The following SYT5 variants were observed in gnomAD, a reference collection of about 807,000 sequenced individuals.
SYT5 encodes the protein synaptotagmin 5.
In SYT5, 29 loss-of-function variants were observed where a neutral mutation model predicts 36.0. The ratio of observed to expected loss-of-function variants is 0.81; its 90% CI spans 0.60 to 1.10. The LOEUF (loss-of-function observed/expected upper bound fraction) is 1.10, where lower values mean the gene tolerates loss of function less well. SYT5 is among the 50% of genes least tolerant of loss of function. The pLI is 0.00. For synonymous variants in SYT5, 231 were observed against 227.6 expected, an observed-to-expected ratio of 1.02 and a Z score of -0.14; for missense variants, 512 against 516.0, an observed-to-expected ratio of 0.99 and a Z score of 0.08.
Position 55,175,558 on chromosome 19 carries a change from G to T in SYT5, c.540+151C>A. On this transcript the variant is annotated intron_variant, in intron 5 of 8. Transcript: ENST00000354308. The surrounding 1 kb of genome is among the most constrained non-coding windows in gnomAD (Gnocchi z 4.5). Reference sequence around the variant, plus strand: ...GGACCAGGCTACAGCCCAGGAGTCAGTAGTGCCCAGGGTCCAGTGGAATAG... The same window carrying T: ...GGACCAGGCTACAGCCCAGGAGTCATTAGTGCCCAGGGTCCAGTGGAATAG... The T allele has an allele frequency of 8.5e-7, 1 of 1,171,790 alleles. No homozygotes were observed. The highest frequency in any genetic ancestry group is 1.2e-6 in the Non-Finnish European group (1 of 831,120). 72.6% of individuals were successfully genotyped at this position (1,171,790 alleles called of 1,614,324 possible).
chr19:55,179,065 T>C lies in SYT5; in HGVS notation c.-24A>G. ...ATGGTGGCGGGGTCCTGGAGTCTTTTCTGCAGAGACACTCAAGCACCCTAG... is the reference window on the plus strand; with the variant it reads ...ATGGTGGCGGGGTCCTGGAGTCTTTCCTGCAGAGACACTCAAGCACCCTAG... On this transcript the variant is annotated 5_prime_UTR_variant, in exon 2 of 9. Coordinates refer to ENST00000354308, the MANE Select transcript of SYT5 (RefSeq NM_003180.3). This position sits in a 1 kb window ranked among gnomAD's most constrained non-coding sequence, Gnocchi z 4.5. The C allele has an allele frequency of 6.3e-7, 1 of 1,596,898 alleles. No individual in the cohort carries two copies. Among genetic ancestry groups the C allele is most frequent in the South Asian group, 1.1e-5 (1 of 87,950 alleles).
Position 55,173,356 on chromosome 19 carries a change from G to T in SYT5, c.*128C>A. ...AGACAGGAATGGTTCAGATGGTTGGGGTGGAAGGTGGGGGGAGGGTAACCG... is the reference window on the plus strand; with the variant it reads ...AGACAGGAATGGTTCAGATGGTTGGTGTGGAAGGTGGGGGGAGGGTAACCG... On this transcript the variant is annotated 3_prime_UTR_variant, in exon 9 of 9. Coordinates refer to ENST00000354308, the MANE Select transcript of SYT5 (RefSeq NM_003180.3). The surrounding 1 kb of genome is among the most constrained non-coding windows in gnomAD (Gnocchi z 5.4). 2.9e-6 allele frequency: 2 copies of T among 689,030 alleles called. No homozygotes were observed. Among genetic ancestry groups the T allele is most frequent in the East Asian group, 3.4e-5 (1 of 29,162 alleles). 42.7% of individuals were successfully genotyped at this position (689,030 alleles called of 1,614,324 possible). A position where few individuals can be genotyped will look rare whatever the true frequency, so the allele number is the denominator to read the frequency against.
Position 55,175,440 on chromosome 19 carries a change from G to T in SYT5, c.541-101C>A. ...GGCATGGAGTGAGGCAGCGAGGGTCGAAGCGAACAGTTGGGGGAACTCAAA... is the reference window on the plus strand; with the variant it reads ...GGCATGGAGTGAGGCAGCGAGGGTCTAAGCGAACAGTTGGGGGAACTCAAA... On this transcript the variant is annotated intron_variant, in intron 5 of 8. Coordinates refer to ENST00000354308, the MANE Select transcript of SYT5 (RefSeq NM_003180.3). The surrounding 1 kb of genome is among the most constrained non-coding windows in gnomAD (Gnocchi z 4.5). 1 of 1,306,068 alleles carries T rather than the reference G, an allele frequency of 7.7e-7. No individual in the cohort carries two copies. The highest frequency in any genetic ancestry group is 1.0e-6 in the Non-Finnish European group (1 of 975,542). 80.9% of individuals were successfully genotyped at this position (1,306,068 alleles called of 1,614,324 possible). A position where few individuals can be genotyped will look rare whatever the true frequency, so the allele number is the denominator to read the frequency against.
intron 3 of SYT5, among the ~76,000 whole-genome samples, chr19:55,177,951 G>C (rs1452378692): frequency 6.6e-6 from 1 of 152,216 alleles, no homozygotes; most frequent in South Asian, 2.1e-4. Flanking sequence ...ATATTACCCT[G>C]TGTGGTGAGT....
rs1375189347 is a variant in SYT5, at chr19:55,179,297, C to T, written c.-45-211G>A. 23 of 1,338,720 alleles carry T rather than the reference C, an allele frequency of 1.7e-5. No homozygotes were observed. Among genetic ancestry groups the T allele is most frequent in the Non-Finnish European group, 1.8e-5 (19 of 1,037,104 alleles). 82.9% of individuals were successfully genotyped at this position (1,338,720 alleles called of 1,614,324 possible). On this transcript the variant is annotated intron_variant, in intron 1 of 8. Coordinates refer to ENST00000354308, the MANE Select transcript of SYT5 (RefSeq NM_003180.3). The surrounding 1 kb of genome is among the most constrained non-coding windows in gnomAD (Gnocchi z 4.5). ...AAGGGATACCCTCTTCCTCCACGGC[C>T]CCACAGGCATCCCGCTGACTTCTGC...
Position 55,175,065 on chromosome 19 carries a change from C to A in SYT5, c.709-66G>T. The A allele has an allele frequency of 6.3e-7, 1 of 1,599,280 alleles. No homozygotes were observed. Among genetic ancestry groups the A allele is most frequent in the Non-Finnish European group, 8.5e-7 (1 of 1,174,574 alleles). Reference sequence around the variant, plus strand: ...ATCCATGCCTCCTCAGGGGTACAATCCACGCCGCCCTGAGGGTCTGGAAAG... The same window carrying A: ...ATCCATGCCTCCTCAGGGGTACAATACACGCCGCCCTGAGGGTCTGGAAAG... On this transcript the variant is annotated intron_variant, in intron 6 of 8. Coordinates refer to ENST00000354308, the MANE Select transcript of SYT5 (RefSeq NM_003180.3). This position sits in a 1 kb window ranked among gnomAD's most constrained non-coding sequence, Gnocchi z 4.5.
At position 55,173,510 on chromosome 19, in the gene SYT5, G is replaced by A. The variant is rs1422295613; in HGVS notation, c.1135C>T (p.Arg379Ter). ...AQWHSLRPPD[R>*]VRLLPAP ...CAGGGCGCAGGCAGCAGCCTCACTC[G>A]GTCCGGGGGCCGCAGCGAGTGCCAC... The change falls in exon 9 of 9, where the codon CGA (arginine) becomes TGA (stop). Residue 379 changes from arginine (R) to a stop codon, truncating the protein, a stop_gained. Coordinates refer to ENST00000354308, the MANE Select transcript of SYT5 (RefSeq NM_003180.3). LOFTEE classifies it high-confidence loss of function. The surrounding 1 kb of genome is among the most constrained non-coding windows in gnomAD (Gnocchi z 5.4). 2 of 1,382,402 alleles carry A rather than the reference G, an allele frequency of 1.4e-6. No homozygotes were observed. The highest frequency in any genetic ancestry group is 1.5e-5 in the African/African-American group (1 of 65,786). 85.6% of individuals were successfully genotyped at this position (1,382,402 alleles called of 1,614,324 possible). A position where few individuals can be genotyped will look rare whatever the true frequency, so the allele number is the denominator to read the frequency against.
chr19:55,178,753 A>ATTTTTTTTTT (rs5828614), intron 2 of SYT5, among the ~76,000 whole-genome samples: 2 of 50,472 alleles, frequency 4.0e-5, no homozygotes, highest in Non-Finnish European at 3.4e-5. Context: ...TCCGGTTTCG[A>ATTTTTTTTTT]TTTTTTTTTT....
rs1216041764 is a variant in SYT5, at chr19:55,171,977, G to A, written c.*1507C>T. On this transcript the variant is annotated 3_prime_UTR_variant, in exon 9 of 9. Transcript: ENST00000354308. ...CCTGTCAAAAAAAGAAGAAAGAAGA[G>A]GCTGAGGCAGAAGAATCGCTTGAAC... 1 of 152,066 alleles carries A rather than the reference G, an allele frequency of 6.6e-6. No individual in the cohort carries two copies. The highest frequency in any genetic ancestry group is 1.5e-5 in the Non-Finnish European group (1 of 68,144). The allele number at this position is 152,066 out of a possible 1,614,324, so 9.4% of individuals were successfully genotyped here. A position where few individuals can be genotyped will look rare whatever the true frequency, so the allele number is the denominator to read the frequency against.
In SYT5 at chr19:55,173,514, C is replaced by CG. The variant is rs1183929789; in HGVS notation, c.1130dup (p.Asp378GlyfsTer25). The CG allele has an allele frequency of 1.4e-6, 2 of 1,390,702 alleles. No individual in the cohort carries two copies. The highest frequency in any genetic ancestry group is 3.6e-5 in the Admixed American group (1 of 28,068). 86.1% of individuals were successfully genotyped at this position (1,390,702 alleles called of 1,614,324 possible). Reference sequence around the variant, plus strand: ...GCGCAGGCAGCAGCCTCACTCGGTCCGGGGGCCGCAGCGAGTGCCACTGGG... The same window carrying CG: ...GCGCAGGCAGCAGCCTCACTCGGTCCGGGGGGCCGCAGCGAGTGCCACTGGG... On this transcript the variant is annotated frameshift_variant, in exon 9 of 9. Coordinates refer to ENST00000354308, the MANE Select transcript of SYT5 (RefSeq NM_003180.3). LOFTEE classifies it high-confidence loss of function. The surrounding 1 kb of genome is among the most constrained non-coding windows in gnomAD (Gnocchi z 5.4).
Position 55,178,381 on chromosome 19 carries a change from G to T in SYT5, c.80-13C>A. 1.9e-6 allele frequency: 3 copies of T among 1,606,872 alleles called. No homozygotes were observed. Among genetic ancestry groups the T allele is most frequent in the Non-Finnish European group, 2.5e-6 (3 of 1,177,558 alleles). On this transcript the variant is annotated splice_polypyrimidine_tract_variant and intron_variant, in intron 2 of 8. Transcript: ENST00000354308. ...GCCCAGGGGGGCACTGCAGAGGGGT[G>T]GAGACAACACACATTGAGGCCTGGG...
At position 55,178,360 on chromosome 19, in the gene SYT5, AG is replaced by A. The variant is rs757111736; in HGVS notation, c.87del (p.Trp30GlyfsTer45). Reference sequence around the variant, plus strand: ...ACCAGCACGATGGTGGCCAGGGCCCAGGGGGGCACTGCAGAGGGGTGGAGAC... The same window carrying A: ...ACCAGCACGATGGTGGCCAGGGCCCAGGGGGCACTGCAGAGGGGTGGAGAC... ...SSRISHGPVPPWALATIVLVS... is the reference protein window; with the variant it reads ...SSRISHGPVPXWALATIVLVS... On this transcript the variant is annotated frameshift_variant, in exon 3 of 9. Transcript: ENST00000354308. LOFTEE classifies it high-confidence loss of function. 1.9e-6 allele frequency: 3 copies of A among 1,610,538 alleles called. No homozygotes were observed. Among genetic ancestry groups the A allele is most frequent in the African/African-American group, 2.7e-5 (2 of 75,052 alleles).
At chr19:55,176,338 G>A in intron 3 of SYT5, 2 of 615,164 alleles carry the variant, frequency 3.3e-6, no homozygotes, top group Non-Finnish European at 5.6e-6. Flanking sequence ...GATTAGTGGT[G>A]TCTGCTATGG....
chr19:55,173,352 T>G lies in SYT5; in HGVS notation c.*132A>C. 15 of 651,246 alleles carry G rather than the reference T, an allele frequency of 2.3e-5. No individual in the cohort carries two copies. Among genetic ancestry groups the G allele is most frequent in the Non-Finnish European group, 2.9e-5 (13 of 444,316 alleles). 40.3% of individuals were successfully genotyped at this position (651,246 alleles called of 1,614,324 possible). A position where few individuals can be genotyped will look rare whatever the true frequency, so the allele number is the denominator to read the frequency against. On this transcript the variant is annotated 3_prime_UTR_variant, in exon 9 of 9. Transcript: ENST00000354308. This position sits in a 1 kb window ranked among gnomAD's most constrained non-coding sequence, Gnocchi z 5.4. ...GAGAAGACAGGAATGGTTCAGATGG[T>G]TGGGGTGGAAGGTGGGGGGAGGGTA...
At position 55,175,822 on chromosome 19, in the gene SYT5, A is replaced by C. The variant is rs2086070423; in HGVS notation, c.427T>G (p.Ser143Ala). 1.9e-6 allele frequency: 3 copies of C among 1,614,080 alleles called. No individual in the cohort carries two copies. In the South Asian group the frequency reaches 3.3e-5, roughly 18 times the overall value. Residue 143 changes from serine to alanine, a missense_variant, in exon 5 of 9, where the codon TCC (serine) becomes GCC (alanine). Ser to Ala is a moderately conservative substitution (Grantham distance 99). Transcript: ENST00000354308. This position sits in a 1 kb window ranked among gnomAD's most constrained non-coding sequence, Gnocchi z 4.5. ...TAGACCCGCACATAGGGGTCCGAGGAGCCACCAAGATCCAAGGCTGCCAAT... is the reference window on the plus strand; with the variant it reads ...TAGACCCGCACATAGGGGTCCGAGGCGCCACCAAGATCCAAGGCTGCCAAT... ...MGLAALDLGG[S>A]SDPYVRVYLL...
chr19:55,175,954 T>C lies in SYT5; in HGVS notation c.372+51A>G. On this transcript the variant is annotated intron_variant, in intron 4 of 8. Coordinates refer to ENST00000354308, the MANE Select transcript of SYT5 (RefSeq NM_003180.3). This position sits in a 1 kb window ranked among gnomAD's most constrained non-coding sequence, Gnocchi z 4.5. ...CTTCCATGGCTCCTTTCAGAAGGGGTTGGAACCCCCGGGATCCTCCCTCCA... is the reference window on the plus strand; with the variant it reads ...CTTCCATGGCTCCTTTCAGAAGGGGCTGGAACCCCCGGGATCCTCCCTCCA... 1 of 1,613,560 alleles carries C rather than the reference T, an allele frequency of 6.2e-7. No individual in the cohort carries two copies. The highest frequency in any genetic ancestry group is 1.1e-5 in the South Asian group (1 of 91,062).
rs944586554 is a variant in SYT5 at position 55,173,772 on chromosome 19, A to T, written c.961-88T>A. 2 of 1,259,718 alleles carry T rather than the reference A, an allele frequency of 1.6e-6. No homozygotes were observed. Among genetic ancestry groups the T allele is most frequent in the African/African-American group, 1.6e-5 (1 of 63,742 alleles). The allele number at this position is 1,259,718 out of a possible 1,614,324, so 78.0% of individuals were successfully genotyped here. A position where few individuals can be genotyped will look rare whatever the true frequency, so the allele number is the denominator to read the frequency against. ...GGTGTCCGTTTTCACGGCTGAGGGT[A>T]CCTCTCGCTGCCACCCGAGGGCTCG... On this transcript the variant is annotated intron_variant, in intron 8 of 8. Coordinates refer to ENST00000354308, the MANE Select transcript of SYT5 (RefSeq NM_003180.3). The surrounding 1 kb of genome is among the most constrained non-coding windows in gnomAD (Gnocchi z 5.4).
rs2086100998 is a variant in SYT5 at position 55,178,327 on chromosome 19, G to T, written c.121C>A (p.Leu41Ile). Residue 41 changes from leucine to isoleucine, a missense_variant, in exon 3 of 9, where the codon CTC becomes ATC. Coordinates refer to ENST00000354308, the MANE Select transcript of SYT5 (RefSeq NM_003180.3). ...ALATIVLVSG[L>I]LIFSCCFCLY... is the part of the protein sequence containing the mutation. ...CAGAAACAGCAGCTGAAGATGAGGAGGCCTGAGACCAGCACGATGGTGGCC... is the reference window on the plus strand; with the variant it reads ...CAGAAACAGCAGCTGAAGATGAGGATGCCTGAGACCAGCACGATGGTGGCC... 9.3e-6 allele frequency: 15 copies of T among 1,612,194 alleles called. No individual in the cohort carries two copies. Among genetic ancestry groups the T allele is most frequent in the Non-Finnish European group, 1.3e-5 (15 of 1,179,478 alleles).
chr19:55,175,298 C>T lies in SYT5; in HGVS notation c.582G>A (p.Ala194=), dbSNP rs765589097. The change falls in exon 6 of 9, where the codon GCG becomes GCA. Residue 194 remains alanine, a synonymous_variant. Transcript: ENST00000354308. This position sits in a 1 kb window ranked among gnomAD's most constrained non-coding sequence, Gnocchi z 4.5. ...GAGAGAAGCGGTCGAAGTCGTACAC[C>T]GCCATGACCAGCACCCTGCCCCCCA... is the stretch of plus-strand genomic sequence containing the variant. ...VELGGRVLVM[A]VYDFDRFSRN... 1 of 1,577,828 alleles carries T rather than the reference C, an allele frequency of 6.3e-7. No individual in the cohort carries two copies. The highest frequency in any genetic ancestry group is 8.6e-7 in the Non-Finnish European group (1 of 1,163,210).
Sources: allele counts gnomAD v4.1 joint callset (sites outside exome capture counted in the v4.1 genomes callset), GRCh38; gene constraint gnomAD v4.1.1; non-coding constraint Gnocchi (gnomAD v3.1); transcripts MANE v1.5; gene names NCBI Gene and HGNC (gene_info 2026-07-23, HGNC 2026-07-21).